Variants in CCDC60 observed in about 807,000 individuals in gnomAD.
CCDC60 encodes coiled-coil domain-containing protein 60.
CCDC60 carries 54 observed loss-of-function variants against 63.5 expected under a neutral mutation model. The ratio of observed to expected loss-of-function variants is 0.85; its 90% CI spans 0.68 to 1.07. CCDC60 has a LOEUF of 1.07. Ranked by LOEUF, CCDC60 falls within the 50% of genes least tolerant of loss-of-function variation. The pLI is 0.00. For missense variants in CCDC60, 651 were observed against 684.3 expected (o/e 0.95, Z 0.54); for synonymous variants, 206 against 238.8 (o/e 0.86, Z 1.27).
intron 2 of CCDC60, among the ~76,000 whole-genome samples, chr12:119,466,610 C>A (rs1950957564): frequency 6.6e-6 from 1 of 152,170 alleles, no homozygotes; most frequent in Non-Finnish European, 1.5e-5. Flanking sequence ...AGCCCAGGTG[C>A]ACCCTCCTTT....
At chr12:119,341,215 A>G (rs1425005155) in intron 1 of CCDC60, among the ~76,000 whole-genome samples, 5 of 152,188 alleles carry the variant, frequency 3.3e-5, no homozygotes, top group Admixed American at 2.6e-4. Flanking sequence ...CTTTTCCATG[A>G]TAAATCAGGA....
chr12:119,419,465 GTC>G (rs1213183369), intron 1 of CCDC60, among the ~76,000 whole-genome samples: 1 of 152,198 alleles, frequency 6.6e-6, no homozygotes, highest in Non-Finnish European at 1.5e-5. Flanking sequence ...AGTTTGTCCT[GTC>G]ATTGGTGATG....
chr12:119,386,573 G>C (rs927042476), intron 1 of CCDC60, among the ~76,000 whole-genome samples: 2 of 151,968 alleles, frequency 1.3e-5, no homozygotes, highest in Admixed American at 1.3e-4. Context: ...CGCACCAAAG[G>C]TGCACATCTT....
At chr12:119,495,558 A>G (rs1380307564) in intron 5 of CCDC60, among the ~76,000 whole-genome samples, 1 of 152,254 alleles carries the variant, frequency 6.6e-6, no homozygotes, top group African/African-American at 2.4e-5. Flanking sequence ...CAATATTCCA[A>G]GACCTTTACG....
chr12:119,534,168 T>A (rs1952935815), intron 13 of CCDC60, among the ~76,000 whole-genome samples: 2 of 152,178 alleles, frequency 1.3e-5, no homozygotes, highest in South Asian at 4.1e-4. Flanking sequence ...GGTATTTTAT[T>A]CTCTTTGTAG....
intron 2 of CCDC60, among the ~76,000 whole-genome samples, chr12:119,431,881 A>C (rs762055968): frequency 4.6e-5 from 7 of 152,066 alleles, no homozygotes; most frequent in Non-Finnish European, 7.4e-5. Context: ...GAGTTTCACC[A>C]CGTTAGCCAG....
chr12:119,355,830 C>T (rs879585376), intron 1 of CCDC60, among the ~76,000 whole-genome samples: 19 of 152,264 alleles, frequency 1.2e-4, no homozygotes, highest in African/African-American at 4.3e-4. Context: ...TCCAGGTTGT[C>T]GGGTTGTTGC....
At chr12:119,519,463 A>ATT (rs1158771501) in intron 8 of CCDC60, among the ~76,000 whole-genome samples, 2 of 124,494 alleles carry the variant, frequency 1.6e-5, no homozygotes, top group African/African-American at 7.0e-5. Context: ...ATATATATAT[A>ATT]TATATTTTTT....
intron 1 of CCDC60, among the ~76,000 whole-genome samples, chr12:119,392,838 G>A (rs1340947190): frequency 2.0e-5 from 3 of 152,126 alleles, no homozygotes; most frequent in African/African-American, 7.2e-5. Context: ...TGGGTCTCGT[G>A]TTTGTGAGGT....
chr12:119,434,636 T>A (rs971547544), intron 2 of CCDC60, among the ~76,000 whole-genome samples: 2 of 152,122 alleles, frequency 1.3e-5, no homozygotes, highest in African/African-American at 4.8e-5. Flanking sequence ...CTGGGCCCAA[T>A]ACCTGAATAG....
intron 2 of CCDC60, among the ~76,000 whole-genome samples, chr12:119,444,610 CTG>C (rs200434212): frequency 0.016 from 2,398 of 152,332 alleles, 27 homozygotes; most frequent in Admixed American, 0.029. Context: ...AAAGTTGGCG[CTG>C]TGTCCTCCAC....
At chr12:119,538,378 A>T (rs1385426781) in intron 13 of CCDC60, among the ~76,000 whole-genome samples, 1 of 152,188 alleles carries the variant, frequency 6.6e-6, no homozygotes, top group Non-Finnish European at 1.5e-5. Context: ...TTCCTGGGTG[A>T]GGCGATACCC....
At chr12:119,519,872 G>A (rs558295615) in intron 8 of CCDC60, among the ~76,000 whole-genome samples, 20 of 145,756 alleles carry the variant, frequency 1.4e-4, no homozygotes, top group Non-Finnish European at 2.1e-4. Context: ...GTGTGTGTGT[G>A]TGTGTATACC....
Position 119,520,185 on chromosome 12 carries a change from A to G in CCDC60, c.1033A>G (p.Lys345Glu), listed in dbSNP as rs1350649497. ...TTATAAGGAAATGCAGACCACTCTC[A>G]AATCAAGGTAGGAAAGCCTGGAGCC... ...SAYKEMQTTL[K>E]SSERSSSTSA... The change falls in exon 9 of 14, where the codon AAA (lysine) becomes GAA (glutamate). Residue 345 changes from lysine to glutamate, a missense_variant. Coordinates refer to ENST00000327554, the MANE Select transcript of CCDC60 (RefSeq NM_178499.5). 7.4e-6 allele frequency: 12 copies of G among 1,613,690 alleles called. No homozygotes were observed. The highest frequency in any genetic ancestry group is 2.7e-5 in the African/African-American group (2 of 74,930).
rs144134112 is a variant in CCDC60, at chr12:119,465,182, G to A, written c.171-6812G>A. On this transcript the variant is annotated intron_variant, in intron 2 of 13. Transcript: ENST00000327554. ...AAAACAATTAGCCAGGCCTGGTGGC[G>A]GGCGCCTGTAGTCCCAGCTAGTCAG... Among the ~76,000 whole-genome samples the A allele has an allele frequency of 3.4e-4, 51 of 152,024 alleles. 1 individual carries two copies. The highest frequency in any genetic ancestry group is 1.1e-3 in the African/African-American group (47 of 41,476).
At chr12:119,368,494 G>T (rs1955865852) in intron 1 of CCDC60, among the ~76,000 whole-genome samples, 1 of 152,106 alleles carries the variant, frequency 6.6e-6, no homozygotes, top group African/African-American at 2.4e-5. Flanking sequence ...TGCTGGAGAG[G>T]GACTGGAGTG....
chr12:119,431,430 A>G (rs921204213), intron 2 of CCDC60, among the ~76,000 whole-genome samples: 5 of 152,270 alleles, frequency 3.3e-5, no homozygotes, highest in Admixed American at 1.3e-4. Context: ...ATCTGTCTGC[A>G]TGGTGCCAGC....
intron 2 of CCDC60, among the ~76,000 whole-genome samples, chr12:119,464,669 T>C (rs901612551): frequency 1.3e-5 from 2 of 151,970 alleles, no homozygotes; most frequent in Middle Eastern, 3.2e-3. Flanking sequence ...TGCCCACCAT[T>C]AATGTTAAAA....
intron 2 of CCDC60, among the ~76,000 whole-genome samples, chr12:119,462,791 C>CATTTATTTATTTATTTATTT (rs61602899): frequency 7.1e-6 from 1 of 140,800 alleles, no homozygotes; most frequent in African/African-American, 2.6e-5. Flanking sequence ...CAACTAACTT[C>CATTTATTTATTTATTTATTT]ATTTATTTAT....
Sources: allele counts gnomAD v4.1 joint callset (sites outside exome capture counted in the v4.1 genomes callset), GRCh38; gene constraint gnomAD v4.1.1; transcripts MANE v1.5; gene names NCBI Gene and HGNC (gene_info 2026-07-23, HGNC 2026-07-21).